Variants in DMD observed in about 807,000 individuals in gnomAD.
DMD encodes the protein mutant dystrophin.
A neutral mutation model predicts 330.1 loss-of-function variants in DMD; 63 were observed. The observed-to-expected ratio is 0.19, with a 90% CI of 0.16 to 0.24. DMD has a LOEUF of 0.24. Among genes scored for constraint, DMD ranks in the 10% least tolerant of loss-of-function variants. The pLI is 1.00. For missense variants in DMD, 3,344 were observed against 2,684.1 expected, an observed-to-expected ratio of 1.25 and a Z score of -5.43; for synonymous variants, 1,223 against 959.8, an observed-to-expected ratio of 1.27 and a Z score of -5.07.
rs201741292 is a variant in DMD at position 33,182,229 on chromosome X, CT to C, written c.31+29052del. ...ATTTTTATTTGCTAAGAGATGTTGC[CT>C]TTTTTTATATTAAAATATTTAAAGT... On this transcript the variant is annotated intron_variant, in intron 1 of 78. Coordinates refer to ENST00000357033, the MANE Select transcript of DMD (RefSeq NM_004006.3). Among the ~76,000 whole-genome samples, 904 of 111,718 alleles carry C rather than the reference CT, an allele frequency of 8.1e-3. 11 individuals are homozygous for C. Among genetic ancestry groups the C allele is most frequent in the African/African-American group, 0.027 (837 of 30,779 alleles).
At chrX:32,221,901 C>T (rs769299306) in intron 43 of DMD, among the ~76,000 whole-genome samples, 196 of 112,103 alleles carry the variant, frequency 1.7e-3, no homozygotes, top group Admixed American at 3.4e-3. Context: ...TTATTTTCTA[C>T]GGCTGAGTAG....
chrX:33,148,797 A>G (rs10126657), intron 1 of DMD, among the ~76,000 whole-genome samples: 8,870 of 111,855 alleles, frequency 0.079, 379 homozygotes, highest in South Asian at 0.21. Context: ...GATCAAGATG[A>G]CCTGCTGAAA....
intron 22 of DMD, among the ~76,000 whole-genome samples, chrX:32,471,809 C>T (rs1317237674): frequency 1.8e-5 from 2 of 111,712 alleles, no homozygotes; most frequent in African/African-American, 3.3e-5. Flanking sequence ...TTTTACCCAC[C>T]AGTTTGAGAA....
intron 9 of DMD, among the ~76,000 whole-genome samples, chrX:32,650,426 T>C (rs1479081285): frequency 1.8e-5 from 2 of 111,519 alleles, no homozygotes; most frequent in Non-Finnish European, 3.8e-5. Context: ...TCTATAATCT[T>C]TTTACCCCTC....
intron 51 of DMD, among the ~76,000 whole-genome samples, chrX:31,761,432 T>C (rs747703557): frequency 1.4e-3 from 154 of 111,101 alleles, no homozygotes; most frequent in African/African-American, 4.7e-3. Context: ...AAAGGCAACA[T>C]TGGTAAGGAA....
chrX:32,609,932 G>A (rs5928047), intron 12 of DMD, among the ~76,000 whole-genome samples: 14 of 110,364 alleles, frequency 1.3e-4, no homozygotes, highest in Admixed American at 3.9e-4. Flanking sequence ...AAACTTCATC[G>A]CAGTCTCACT....
chrX:31,541,102 A>C (rs938336999), intron 55 of DMD, among the ~76,000 whole-genome samples: 1 of 111,805 alleles, frequency 8.9e-6, no homozygotes, highest in Non-Finnish European at 1.9e-5. Flanking sequence ...TGCTCTGTCT[A>C]ACACAGGAGC....
At chrX:33,009,997 C>CGTGTGT (rs1557207868) in intron 2 of DMD, among the ~76,000 whole-genome samples, 1 of 25,354 alleles carries the variant, frequency 3.9e-5, no homozygotes, top group African/African-American at 1.9e-4. Flanking sequence ...TGTATATACA[C>CGTGTGT]GTATGTATGT....
intron 7 of DMD, among the ~76,000 whole-genome samples, chrX:32,761,719 C>A (rs1212456745): frequency 9.0e-6 from 1 of 111,559 alleles, no homozygotes; most frequent in African/African-American, 3.3e-5. Flanking sequence ...GAATGTTGCC[C>A]CAGAGCTGCT....
chrX:32,725,706 G>A (rs1035750078), intron 7 of DMD, among the ~76,000 whole-genome samples: 3 of 111,105 alleles, frequency 2.7e-5, no homozygotes, highest in African/African-American at 9.8e-5. Flanking sequence ...ACTAGGGGGT[G>A]GAGGTAAGCT....
At chrX:32,065,064 G>T (rs184318048) in intron 44 of DMD, among the ~76,000 whole-genome samples, 1 of 111,119 alleles carries the variant, frequency 9.0e-6, no homozygotes, top group African/African-American at 3.3e-5. Context: ...GTTTGCCAAA[G>T]AATTCTTTCA....
chrX:31,599,965 CT>C (rs2077269069), intron 55 of DMD, among the ~76,000 whole-genome samples: 1 of 111,585 alleles, frequency 9.0e-6, no homozygotes, highest in Non-Finnish European at 1.9e-5. Flanking sequence ...GGGTCTCACT[CT>C]GTCATCCAGG....
At chrX:32,575,342 G>A (rs1251684995) in intron 13 of DMD, among the ~76,000 whole-genome samples, 1 of 112,154 alleles carries the variant, frequency 8.9e-6, no homozygotes, top group African/African-American at 3.2e-5. Context: ...GTACTTATAT[G>A]CAGCTCAATC....
chrX:31,762,397 C>T (rs112635469), intron 51 of DMD, among the ~76,000 whole-genome samples: 11,528 of 110,095 alleles, frequency 0.1, 494 homozygotes, highest in Middle Eastern at 0.14. Context: ...GGTGAAACCC[C>T]GTCTCTACTA....
At chrX:31,194,588 G>C (rs1390322845) in intron 67 of DMD, among the ~76,000 whole-genome samples, 2 of 112,371 alleles carry the variant, frequency 1.8e-5, no homozygotes, top group Non-Finnish European at 3.8e-5. Context: ...AGAGCGAAAA[G>C]CAACCATGGA....
At chrX:32,396,451 T>C (rs993323417) in intron 30 of DMD, among the ~76,000 whole-genome samples, 1 of 111,531 alleles carries the variant, frequency 9.0e-6, no homozygotes, top group Admixed American at 9.6e-5. Context: ...ATTTTCTTTA[T>C]GCATTGAGTA....
intron 44 of DMD, among the ~76,000 whole-genome samples, chrX:32,003,726 C>A (rs1444572478): frequency 9.0e-6 from 1 of 111,322 alleles, no homozygotes; most frequent in Admixed American, 9.6e-5. Flanking sequence ...ATTTTCATTT[C>A]TTCAGACTTT....
intron 7 of DMD, among the ~76,000 whole-genome samples, chrX:32,772,993 T>C (rs1364351973): frequency 1.8e-5 from 2 of 112,027 alleles, no homozygotes; most frequent in Admixed American, 9.5e-5. Context: ...GAGAGCATAC[T>C]TAGAACCATC....
intron 2 of DMD, among the ~76,000 whole-genome samples, chrX:32,901,444 A>G (rs1180770825): frequency 9.0e-6 from 1 of 111,691 alleles, no homozygotes; most frequent in African/African-American, 3.3e-5. Context: ...TTTGCTATTG[A>G]GAACTCTCAA....
Sources: gnomAD v4.1 joint callset for allele counts (sites outside exome capture counted in the v4.1 genomes callset) on GRCh38, gnomAD v4.1.1 for gene constraint, MANE v1.5 for transcripts, NCBI Gene and HGNC (gene_info 2026-07-23, HGNC 2026-07-21) for gene names.